The following NOL8 variants were observed in gnomAD, a reference collection of about 807,000 sequenced individuals.
NOL8 encodes nucleolar protein 8.
In NOL8, 93 loss-of-function variants were observed where a neutral mutation model predicts 116.1. The ratio of observed to expected loss-of-function variants is 0.80; its 90% CI spans 0.68 to 0.95. The LOEUF (loss-of-function observed/expected upper bound fraction) is 0.95. Ranked by LOEUF, NOL8 falls within the 40% of genes least tolerant of loss-of-function variation. The pLI, the probability that NOL8 is intolerant of heterozygous loss-of-function variation, is 0.00. For missense variants in NOL8, 1,291 were observed against 1,382.8 expected (o/e 0.93, Z 1.05); for synonymous variants, 419 against 469.0 (o/e 0.89, Z 1.38).
intron 14 of NOL8, among the ~76,000 whole-genome samples, chr9:92,299,684 G>A (rs1322373625): frequency 6.6e-6 from 1 of 151,856 alleles, no homozygotes; most frequent in Non-Finnish European, 1.5e-5. Context: ...TCTGGGAGGC[G>A]GAGGTTGCAG....
intron 10 of NOL8, chr9:92,309,045 A>G (rs1838530463): frequency 6.6e-6 from 1 of 152,232 alleles, no homozygotes; most frequent in Non-Finnish European, 1.5e-5. Flanking sequence ...CTTGCAGGAT[A>G]GACAAACATT....
At chr9:92,301,844 T>A in intron 12 of NOL8, 22 bp from the exon 13 acceptor site, 2 of 1,522,524 alleles carry the variant, frequency 1.3e-6, no homozygotes, top group Non-Finnish European at 8.8e-7. Context: ...TATGTAGACA[T>A]GTGCATCACA....
chr9:92,321,739 A>G lies in NOL8; in HGVS notation c.210T>C (p.Ser70=). Residue 70 remains serine (S), a synonymous_variant, in exon 4 of 17, where the codon TCT becomes TCC. Transcript: ENST00000442668. The stretch of plus-strand genomic sequence containing the variant: ...CTTTCCATTTTGTTTTATTTAAAAC[A>G]GACATACCTATAAAGTAAAGAATTA... ...VAEADLKKCM[S]VLNKTKWKGG... 7.1e-7 allele frequency: 1 copy of G among 1,412,236 alleles called. No homozygotes were observed. The highest frequency in any genetic ancestry group is 1.3e-5 in the South Asian group (1 of 74,870). The allele number at this position is 1,412,236 out of a possible 1,614,324, so 87.5% of individuals were successfully genotyped here. A position where few individuals can be genotyped will look rare whatever the true frequency, so the allele number is the denominator to read the frequency against.
chr9:92,320,679 T>C (rs1274865162), intron 4 of NOL8, among the ~76,000 whole-genome samples: 2 of 151,924 alleles, frequency 1.3e-5, no homozygotes, highest in Non-Finnish European at 2.9e-5. Context: ...CAATGTAGGC[T>C]CACTGCAACC....
At position 92,297,694 on chromosome 9, in the gene NOL8, C is replaced by G. The variant is rs1203341257; in HGVS notation, c.*142G>C. ...AGAGGAGTTCCACAGAAAAAGATGG[C>G]AACCAGAATGATATTCCGTCAGCCA... On this transcript the variant is annotated 3_prime_UTR_variant, in exon 17 of 17. Coordinates refer to ENST00000442668, the MANE Select transcript of NOL8 (RefSeq NM_017948.6). 6.4e-6 allele frequency: 4 copies of G among 624,532 alleles called. No homozygotes were observed. The Admixed American group carries it at 1.3e-4, about 21-fold the overall frequency. 38.7% of individuals were successfully genotyped at this position (624,532 alleles called of 1,614,324 possible). A position where few individuals can be genotyped will look rare whatever the true frequency, so the allele number is the denominator to read the frequency against.
intron 4 of NOL8, chr9:92,320,006 A>G: frequency 2.2e-6 from 1 of 452,416 alleles, no homozygotes; most frequent in Non-Finnish European, 4.4e-6. Flanking sequence ...ATGGATCGCA[A>G]GTTCTCTCAA....
In NOL8 at chr9:92,311,258, T is replaced by C. The variant is rs776150124; in HGVS notation, c.2360A>G (p.Asp787Gly). The C allele has an allele frequency of 1.9e-6, 3 of 1,609,308 alleles. No homozygotes were observed. Among genetic ancestry groups the C allele is most frequent in the South Asian group, 1.1e-5 (1 of 90,716 alleles). ...CGTTGGCTTATCCTCTGGATGACCA[T>C]CCTAGGGAGGCCATCGAAAGCATTG... ...KLVHNALANL[D>G]GHPEDKPTHI... is the part of the protein sequence containing the mutation. Residue 787 changes from aspartate (D) to glycine (G), a missense_variant and splice_region_variant, in exon 8 of 17, where the codon GAT becomes GGT. Transcript: ENST00000442668.
intron 16 of NOL8, 48 bp from the exon 17 acceptor site, chr9:92,297,934 G>A: frequency 6.9e-7 from 1 of 1,458,204 alleles, no homozygotes; most frequent in Non-Finnish European, 9.3e-7. Context: ...TTGTTTTTAA[G>A]ATGTTCAGTA....
intron 3 of NOL8, 66 bp downstream of exon 3, chr9:92,323,375 C>T (rs1267833694): frequency 1.9e-5 from 29 of 1,541,394 alleles, no homozygotes; most frequent in Non-Finnish European, 2.5e-5. Flanking sequence ...GATTTAGAAC[C>T]AGTTATTCCA....
At chr9:92,303,681 TG>T in intron 12 of NOL8, among the ~76,000 whole-genome samples, 1 of 152,316 alleles carries the variant, frequency 6.6e-6, no homozygotes, top group Non-Finnish European at 1.5e-5. Context: ...GGTGCACACC[TG>T]TATTTCCAGC....
At chr9:92,323,343 G>A (rs2130746515) in intron 3 of NOL8, 98 bp downstream of exon 3, 1 of 1,544,700 alleles carries the variant, frequency 6.5e-7, no homozygotes, top group Non-Finnish European at 8.7e-7. Flanking sequence ...TGGATAACGT[G>A]AAAAATGGCT....
In NOL8 at chr9:92,301,685, G is replaced by A; in HGVS notation, c.3041C>T (p.Thr1014Ile). Residue 1014 changes from threonine to isoleucine, a missense_variant, in exon 13 of 17, where the codon ACA becomes ATA. Transcript: ENST00000442668. ...TTTACCACAGTCCTCATTCCAGGGT[G>A]TGCCCTCTTCCTTTTCACTGGTATA... ...TKYTSEKEEG[T>I]PWNEDCGKEK... 1 of 1,607,570 alleles carries A rather than the reference G, an allele frequency of 6.2e-7. No homozygotes were observed. Among genetic ancestry groups the A allele is most frequent in the Middle Eastern group, 1.7e-4 (1 of 6,010 alleles).
chr9:92,300,183 A>G, intron 13 of NOL8, 167 bp from the exon 14 acceptor site: 5 of 1,284,170 alleles, frequency 3.9e-6, no homozygotes, highest in Non-Finnish European at 4.9e-6. Flanking sequence ...ATCTTTTTAG[A>G]TTTTTCAAAT....
rs745928872 is a variant in NOL8, at chr9:92,318,033, CAAAAAAAAAA to C, written c.486+575_486+584del. On this transcript the variant is annotated intron_variant, in intron 6 of 16. Transcript: ENST00000442668. ...CTGGGGACAGAGCAAGACTCCATCT[CAAAAAAAAAA>C]AAAAAAAAAAAAAAAGATTAAAAAA... Among the ~76,000 whole-genome samples, 4 of 34,612 alleles carry C rather than the reference CAAAAAAAAAA, an allele frequency of 1.2e-4. No homozygotes were observed. In the South Asian group the frequency reaches 5.8e-3, roughly 51 times the overall value. The allele number at this position is 34,612 out of a possible 152,430, so 22.7% of individuals were successfully genotyped here.
chr9:92,300,180 T>C (rs555614331), intron 13 of NOL8, 164 bp from the exon 14 acceptor site: 1 of 1,294,646 alleles, frequency 7.7e-7, no homozygotes, highest in Admixed American at 3.3e-5. Context: ...ATCATCTTTT[T>C]AGATTTTTCA....
At chr9:92,323,335 G>C (rs1476630576) in intron 3 of NOL8, 106 bp downstream of exon 3, 1 of 1,543,792 alleles carries the variant, frequency 6.5e-7, no homozygotes, top group Non-Finnish European at 8.7e-7. Context: ...TGTCCCTCTG[G>C]ATAACGTGAA....
At chr9:92,313,196 G>GT (rs1246626538) in intron 7 of NOL8, among the ~76,000 whole-genome samples, 1 of 151,848 alleles carries the variant, frequency 6.6e-6, no homozygotes, top group Non-Finnish European at 1.5e-5. Flanking sequence ...AAACTTTTTG[G>GT]TATCAATTCA....
At chr9:92,313,100 C>T (rs1311962266) in intron 7 of NOL8, among the ~76,000 whole-genome samples, 1 of 152,006 alleles carries the variant, frequency 6.6e-6, no homozygotes, top group Non-Finnish European at 1.5e-5. Context: ...CTAGTGAATG[C>T]CATCACCATC....
Position 92,297,832 on chromosome 9 carries a change from T to G in NOL8, c.*4A>C. On this transcript the variant is annotated 3_prime_UTR_variant, in exon 17 of 17. Coordinates refer to ENST00000442668, the MANE Select transcript of NOL8 (RefSeq NM_017948.6). ...CATTCAGTATCAAAACCAGCTGACA[T>G]TTATTATTTTGGTTTCATTTTCCTT... The G allele has an allele frequency of 6.5e-7, 1 of 1,547,672 alleles. No individual in the cohort carries two copies. Among genetic ancestry groups the G allele is most frequent in the South Asian group, 1.2e-5 (1 of 83,288 alleles).
Sources: allele counts gnomAD v4.1 joint callset (sites outside exome capture counted in the v4.1 genomes callset), GRCh38; gene constraint gnomAD v4.1.1; transcripts MANE v1.5; gene names NCBI Gene and HGNC (gene_info 2026-07-23, HGNC 2026-07-21).